The following TIAM1 variants were observed in gnomAD, a reference collection of about 807,000 sequenced individuals.
The protein encoded by TIAM1 is rho guanine nucleotide exchange factor TIAM1.
TIAM1 carries 65 observed loss-of-function variants against 163.5 expected under a neutral mutation model. That is an observed-to-expected ratio of 0.40 (90% CI 0.33 to 0.49). TIAM1 has a LOEUF of 0.49. Ranked by LOEUF, TIAM1 falls within the 20% of genes least tolerant of loss-of-function variation. The pLI is 0.77. For synonymous variants in TIAM1, 833 were observed against 810.1 expected, an observed-to-expected ratio of 1.03 and a Z score of -0.48; for missense variants, 1,789 against 2,044.7, an observed-to-expected ratio of 0.87 and a Z score of 2.41.
chr21:31,120,456 T>A lies in TIAM1; in HGVS notation c.4688A>T (p.Asn1563Ile). The A allele has an allele frequency of 6.2e-7, 1 of 1,614,232 alleles. No homozygotes were observed. The highest frequency in any genetic ancestry group is 8.5e-7 in the Non-Finnish European group (1 of 1,180,042). Residue 1563 changes from asparagine to isoleucine, a missense_variant, in exon 28 of 28, where the codon AAT (asparagine) becomes ATT (isoleucine). Transcript: ENST00000541036. This position sits in a 1 kb window ranked among gnomAD's most constrained non-coding sequence, Gnocchi z 4.2. The part of the protein sequence containing the change: ...LKKQAALSGI[N>I]GGLESASEEV... ...CTCGCTTGCGCTCTCCAGGCCTCCA[T>A]TGATCCCCGACAGGGCAGCTTGCTT...
intron 2 of TIAM1, among the ~76,000 whole-genome samples, chr21:31,383,344 T>A (rs949379153): frequency 1.4e-4 from 21 of 152,224 alleles, no homozygotes; most frequent in African/African-American, 4.8e-4. Flanking sequence ...AGTGATTCTC[T>A]GAGTGCCAGG....
At chr21:31,501,429 C>T (rs2046844422) in intron 1 of TIAM1, among the ~76,000 whole-genome samples, 1 of 150,082 alleles carries the variant, frequency 6.7e-6, no homozygotes, top group Non-Finnish European at 1.5e-5. Flanking sequence ...CTTTTCTAGG[C>T]ATCTACACAA....
intron 2 of TIAM1, among the ~76,000 whole-genome samples, chr21:31,437,590 A>G (rs1362878559): frequency 3.3e-5 from 5 of 151,984 alleles, no homozygotes; most frequent in Admixed American, 3.3e-4. Context: ...ATAATCCCCA[A>G]TGTTGGAGAA....
chr21:31,525,763 G>A (rs1165603868), intron 1 of TIAM1, among the ~76,000 whole-genome samples: 1 of 152,078 alleles, frequency 6.6e-6, no homozygotes, highest in Non-Finnish European at 1.5e-5. Flanking sequence ...GCCAGGCACG[G>A]GGGCTCATGT....
At chr21:31,150,656 C>T (rs1388433200) in intron 19 of TIAM1, among the ~76,000 whole-genome samples, 5 of 151,846 alleles carry the variant, frequency 3.3e-5, no homozygotes, top group African/African-American at 1.2e-4. Flanking sequence ...AGAGTAAACA[C>T]AGGAAAAAAT....
chr21:31,474,808 A>C (rs2045878267), intron 1 of TIAM1, among the ~76,000 whole-genome samples: 1 of 151,834 alleles, frequency 6.6e-6, no homozygotes, highest in South Asian at 2.1e-4. Context: ...GGCCTCTCAA[A>C]GTGCTGGGAT....
intron 2 of TIAM1, among the ~76,000 whole-genome samples, chr21:31,287,817 G>T (rs1381633367): frequency 6.6e-6 from 1 of 152,194 alleles, no homozygotes; most frequent in Non-Finnish European, 1.5e-5. Flanking sequence ...TACACGATGA[G>T]ATTTTATTAT....
chr21:31,165,613 T>A (rs1277798889), intron 15 of TIAM1, among the ~76,000 whole-genome samples: 1 of 152,244 alleles, frequency 6.6e-6, no homozygotes, highest in Non-Finnish European at 1.5e-5. Context: ...ATGAGTGTTG[T>A]TTAAGCCACT....
chr21:31,230,801 T>C lies in TIAM1; in HGVS notation c.1585-4851A>G, dbSNP rs538131817. Among the ~76,000 whole-genome samples the C allele has an allele frequency of 3.3e-3, 498 of 152,334 alleles. 4 individuals carry two copies. Among genetic ancestry groups the C allele is most frequent in the Non-Finnish European group, 5.1e-3 (349 of 68,034 alleles). On this transcript the variant is annotated intron_variant, in intron 6 of 27. Coordinates refer to ENST00000541036, the MANE Select transcript of TIAM1 (RefSeq NM_001353694.2). ...CGCCAGCCTCAGCCTCCCAAAGTGC[T>C]GGGATTACAGGCGTACACCACCAAG...
chr21:31,200,551 T>TG (rs2086145561), intron 12 of TIAM1, among the ~76,000 whole-genome samples: 1 of 152,254 alleles, frequency 6.6e-6, no homozygotes, highest in African/African-American at 2.4e-5. Flanking sequence ...CTCAGAACAG[T>TG]GGTAGCTATT....
intron 4 of TIAM1, among the ~76,000 whole-genome samples, chr21:31,265,701 G>A (rs1286084513): frequency 6.6e-6 from 1 of 152,218 alleles, no homozygotes; most frequent in African/African-American, 2.4e-5. Context: ...TTGAATAAGT[G>A]GGATGCTGTT....
At chr21:31,342,855 G>A (rs575920449) in intron 1 of TIAM1, among the ~76,000 whole-genome samples, 11 of 152,196 alleles carry the variant, frequency 7.2e-5, no homozygotes, top group Admixed American at 7.2e-4. Context: ...CTTCAAGGAA[G>A]TGGGAGAGTC....
At chr21:31,181,397 G>C (rs2085004518) in intron 15 of TIAM1, among the ~76,000 whole-genome samples, 1 of 152,124 alleles carries the variant, frequency 6.6e-6, no homozygotes, top group African/African-American at 2.4e-5. Context: ...GCCCAGAGGA[G>C]AGAGCTAACT....
At chr21:31,167,903 T>G (rs1012062365) in intron 15 of TIAM1, among the ~76,000 whole-genome samples, 1 of 151,774 alleles carries the variant, frequency 6.6e-6, no homozygotes, top group African/African-American at 2.4e-5. Flanking sequence ...ACTTCAGGAG[T>G]TAGAAGTGAA....
intron 2 of TIAM1, among the ~76,000 whole-genome samples, chr21:31,366,407 G>A (rs2076505416): frequency 6.6e-6 from 1 of 152,146 alleles, no homozygotes; most frequent in African/African-American, 2.4e-5. Context: ...TGAAAAACAT[G>A]TCACCCTTTG....
chr21:31,558,370 C>G (rs1004755781), intron 1 of TIAM1, among the ~76,000 whole-genome samples: 6 of 152,068 alleles, frequency 3.9e-5, no homozygotes, highest in African/African-American at 1.2e-4. Context: ...GCGCCGGCCC[C>G]CGGGCTTTCC....
intron 2 of TIAM1, among the ~76,000 whole-genome samples, chr21:31,284,892 G>A (rs964925551): frequency 1.3e-5 from 2 of 151,996 alleles, no homozygotes; most frequent in African/African-American, 2.4e-5. Context: ...GGCCCAACAT[G>A]GGAAGTCAGG....
rs1480542611 is a variant in TIAM1, at chr21:31,222,643, A to G, written c.1995+763T>C. On this transcript the variant is annotated intron_variant, in intron 8 of 27. Transcript: ENST00000541036. Reference sequence around the variant, plus strand: ...CCATATATGGTGTATGTGTGTATGTATGTGTGTGTATATATACATACATGT... The same window carrying G: ...CCATATATGGTGTATGTGTGTATGTGTGTGTGTGTATATATACATACATGT... Among the ~76,000 whole-genome samples, 4 of 133,672 alleles carry G rather than the reference A, an allele frequency of 3.0e-5. No individual in the cohort carries two copies. In the East Asian group the frequency reaches 7.5e-4, roughly 25 times the overall value. The allele number at this position is 133,672 out of a possible 152,430, so 87.7% of individuals were successfully genotyped here.
In TIAM1 at chr21:31,120,487, G is replaced by C. The variant is rs771157997; in HGVS notation, c.4657C>G (p.Leu1553Val). The C allele has an allele frequency of 6.2e-7, 1 of 1,614,210 alleles. No individual in the cohort carries two copies. The highest frequency in any genetic ancestry group is 8.5e-7 in the Non-Finnish European group (1 of 1,180,044). The change falls in exon 28 of 28, where the codon CTC (leucine) becomes GTC (valine). Residue 1553 changes from leucine to valine, a missense_variant. Transcript: ENST00000541036. This position sits in a 1 kb window ranked among gnomAD's most constrained non-coding sequence, Gnocchi z 4.2. ...LDSHASRMAQ[L>V]KKQAALSGIN... Reference sequence around the variant, plus strand: ...CCCGACAGGGCAGCTTGCTTCTTGAGCTGTGCCATGCGGGACGCGTGACTA... The same window carrying C: ...CCCGACAGGGCAGCTTGCTTCTTGACCTGTGCCATGCGGGACGCGTGACTA...
Sources: gnomAD v4.1 joint callset for allele counts (sites outside exome capture counted in the v4.1 genomes callset) on GRCh38, gnomAD v4.1.1 for gene constraint, Gnocchi (gnomAD v3.1) non-coding constraint, MANE v1.5 for transcripts, NCBI Gene and HGNC (gene_info 2026-07-23, HGNC 2026-07-21) for gene names.